DAAM1: variants seen among roughly 807,000 people sequenced by gnomAD.
DAAM1 encodes dishevelled associated activator of morphogenesis 1.
DAAM1 carries 52 observed loss-of-function variants against 130.0 expected under a neutral mutation model. The ratio of observed to expected loss-of-function variants is 0.40; its 90% CI spans 0.32 to 0.50. The LOEUF is 0.50. DAAM1 is among the 20% of genes least tolerant of loss of function. The pLI is 0.61. For missense variants in DAAM1, 1,134 were observed against 1,303.8 expected (o/e 0.87, Z 2.01); for synonymous variants, 452 against 444.5 (o/e 1.02, Z -0.21).
At chr14:59,318,034 A>G (rs1292648155) in intron 4 of DAAM1, among the ~76,000 whole-genome samples, 1 of 152,168 alleles carries the variant, frequency 6.6e-6, no homozygotes, top group African/African-American at 2.4e-5. Flanking sequence ...GAACAAGTTC[A>G]ATTACTTTAT....
chr14:59,365,832 G>A (rs930270050), intron 23 of DAAM1, among the ~76,000 whole-genome samples: 1 of 152,114 alleles, frequency 6.6e-6, no homozygotes, highest in African/African-American at 2.4e-5. Flanking sequence ...TGACTTTGAA[G>A]CTAGGAACAC....
chr14:59,332,652 C>G (rs4898985), intron 15 of DAAM1, among the ~76,000 whole-genome samples: 125,453 of 152,214 alleles, frequency 0.82, 51,922 homozygotes, highest in East Asian at 0.91. Context: ...CATCGTGATA[C>G]AGCCTCTTAA....
At chr14:59,322,328 A>G (rs1594821264) in intron 5 of DAAM1, among the ~76,000 whole-genome samples, 1 of 152,024 alleles carries the variant, frequency 6.6e-6, no homozygotes, top group East Asian at 1.9e-4. Context: ...TCTGGGCAAC[A>G]TAGCAAGTCT....
chr14:59,235,612 T>G (rs1246023372), intron 1 of DAAM1, among the ~76,000 whole-genome samples: 1 of 152,164 alleles, frequency 6.6e-6, no homozygotes, highest in Non-Finnish European at 1.5e-5. Flanking sequence ...TTGATTTTTT[T>G]GAAGGGTTTT....
In DAAM1 at chr14:59,351,337, G is replaced by A. The variant is rs142211800; in HGVS notation, c.2161-1189G>A. ...AATTCTTTTTCCATCCTGCAAGCAC[G>A]GCAATTTTTTAAAAAAACGTAAACT... On this transcript the variant is annotated intron_variant, in intron 17 of 24. Transcript: ENST00000360909. 1.1e-3 allele frequency among the ~76,000 whole-genome samples: 162 copies of A among 152,084 alleles called. 2 individuals are homozygous for A. Among genetic ancestry groups the A allele is most frequent in the African/African-American group, 3.6e-3 (151 of 41,476 alleles).
chr14:59,215,506 C>T (rs1888548753), intron 1 of DAAM1, among the ~76,000 whole-genome samples: 1 of 152,198 alleles, frequency 6.6e-6, no homozygotes, highest in Non-Finnish European at 1.5e-5. Flanking sequence ...GGCAAGCTTG[C>T]CACCGACCAT....
chr14:59,270,174 C>G (rs1001483336), intron 2 of DAAM1, among the ~76,000 whole-genome samples: 1 of 152,098 alleles, frequency 6.6e-6, no homozygotes, highest in Non-Finnish European at 1.5e-5. Context: ...AGATTCTTAT[C>G]TTAATCCATT....
Position 59,326,591 on chromosome 14 carries a change from G to A in DAAM1, c.1256G>A (p.Gly419Glu). Residue 419 changes from glycine to glutamate, a missense_variant, in exon 11 of 25, where the codon GGA (glycine) becomes GAA (glutamate). Physicochemically the swap from Gly to Glu is moderately conservative, Grantham distance 98 (BLOSUM62 -2). Around this residue, in one of 3 missense-constraint regions of DAAM1, gnomAD observed 391 missense variants for 521.6 expected, o/e 0.75. Transcript: ENST00000360909. ...CAGATAGTTATCCAGAATGACAAAGGACAGGACCCTGACTCCACACCTTTG... is the reference window on the plus strand; with the variant it reads ...CAGATAGTTATCCAGAATGACAAAGAACAGGACCCTGACTCCACACCTTTG... ...IQQIVIQNDK[G>E]QDPDSTPLEN... 1 of 1,613,770 alleles carries A rather than the reference G, an allele frequency of 6.2e-7. No individual in the cohort carries two copies. The highest frequency in any genetic ancestry group is 8.5e-7 in the Non-Finnish European group (1 of 1,179,906).
intron 1 of DAAM1, among the ~76,000 whole-genome samples, chr14:59,242,305 A>G (rs1257236840): frequency 6.6e-6 from 1 of 152,166 alleles, no homozygotes; most frequent in African/African-American, 2.4e-5. Context: ...GGTCTTTTCC[A>G]TTATTATATG....
At chr14:59,272,608 TACAC>T (rs35308018) in intron 2 of DAAM1, among the ~76,000 whole-genome samples, 116 of 136,996 alleles carry the variant, frequency 8.5e-4, no homozygotes, top group African/African-American at 2.4e-3. Flanking sequence ...TATATATATA[TACAC>T]ACACACACAC....
chr14:59,209,285 T>C (rs887275905), intron 1 of DAAM1, among the ~76,000 whole-genome samples: 3 of 152,208 alleles, frequency 2.0e-5, no homozygotes, highest in Non-Finnish European at 4.4e-5. Flanking sequence ...ATGAACCTTA[T>C]GATTCTTCAG....
intron 15 of DAAM1, among the ~76,000 whole-genome samples, chr14:59,339,219 A>C (rs1385204974): frequency 6.6e-6 from 1 of 152,264 alleles, no homozygotes; most frequent in Non-Finnish European, 1.5e-5. Context: ...AAATGTAGAT[A>C]CAACTTTGCA....
At chr14:59,243,178 A>G (rs1389519368) in intron 1 of DAAM1, among the ~76,000 whole-genome samples, 2 of 152,124 alleles carry the variant, frequency 1.3e-5, no homozygotes, top group African/African-American at 4.8e-5. Context: ...CCAAAAGGTA[A>G]GTGGCTAGGG....
At chr14:59,322,347 TA>T (rs1023120497) in intron 5 of DAAM1, among the ~76,000 whole-genome samples, 5 of 147,674 alleles carry the variant, frequency 3.4e-5, no homozygotes, top group Non-Finnish European at 3.0e-5. Context: ...CTCCACCTCT[TA>T]AAAAAAAAAG....
In DAAM1 at chr14:59,326,532, T is replaced by C. The variant is rs575281671; in HGVS notation, c.1197T>C (p.Val399=). 231 of 1,610,168 alleles carry C rather than the reference T, an allele frequency of 1.4e-4. 3 individuals are homozygous for C. The South Asian group carries it at 2.5e-3, about 17-fold the overall frequency. The change falls in exon 11 of 25, where the codon GTT becomes GTC. Residue 399 remains valine (V), a synonymous_variant. Transcript: ENST00000360909. ...TAGACAAGAGGAGTGGCAACACTGT[T>C]CAGTACTGGCTACTACTAGATAGAA... ...QMPYKRSGNT[V]QYWLLLDRII... is the part of the protein sequence containing the mutation.
intron 5 of DAAM1, among the ~76,000 whole-genome samples, chr14:59,320,852 T>C (rs1884979002): frequency 6.6e-6 from 1 of 152,168 alleles, no homozygotes; most frequent in Non-Finnish European, 1.5e-5. Context: ...CCCTCATTCA[T>C]TGCTGCTAGG....
At chr14:59,350,155 C>T (rs1405792266) in intron 17 of DAAM1, among the ~76,000 whole-genome samples, 1 of 152,120 alleles carries the variant, frequency 6.6e-6, no homozygotes. Context: ...ATCAGGCCCC[C>T]AGACCTATGA....
At position 59,259,233 on chromosome 14, in the gene DAAM1, G is replaced by A. The variant is rs113752019; in HGVS notation, c.-37-4208G>A. Among the ~76,000 whole-genome samples the A allele has an allele frequency of 2.0e-5, 3 of 152,168 alleles. 1 individual carries two copies. Among genetic ancestry groups the A allele is most frequent in the African/African-American group, 7.2e-5 (3 of 41,522 alleles). ...CATGTGCCATGTCACTTTTCCTCCC[G>A]ATTCTTCAATGAGGGAATAAAGACC... On this transcript the variant is annotated intron_variant, in intron 1 of 24. Coordinates refer to ENST00000360909, the MANE Select transcript of DAAM1 (RefSeq NM_001270520.2).
At chr14:59,208,954 G>A (rs1888347477) in intron 1 of DAAM1, among the ~76,000 whole-genome samples, 1 of 152,030 alleles carries the variant, frequency 6.6e-6, no homozygotes, top group Non-Finnish European at 1.5e-5. Context: ...AAGCTTCCTG[G>A]GCCTCACCAG....
Sources: allele counts gnomAD v4.1 joint callset (sites outside exome capture counted in the v4.1 genomes callset), GRCh38; gene constraint gnomAD v4.1.1; regional missense constraint gnomAD v4.1.1; transcripts MANE v1.5; gene names NCBI Gene and HGNC (gene_info 2026-07-23, HGNC 2026-07-21).